Variants in DDR1 observed in about 807,000 individuals in gnomAD.
DDR1 encodes the protein discoidin domain receptor tyrosine kinase 1.
DDR1 carries 64 observed loss-of-function variants against 97.4 expected under a neutral mutation model. The observed-to-expected ratio is 0.66, with a 90% CI of 0.54 to 0.81. The LOEUF (loss-of-function observed/expected upper bound fraction) is 0.81. Ranked by LOEUF, DDR1 falls within the 30% of genes least tolerant of loss-of-function variation. The probability of loss-of-function intolerance (pLI) is 0.00; values close to 1 mark genes in which losing one functional copy is unlikely to be tolerated. For synonymous variants in DDR1, 458 were observed against 503.7 expected (o/e 0.91, Z 1.21); for missense variants, 990 against 1,259.6 (o/e 0.79, Z 3.24).
Position 30,898,949 on chromosome 6 carries a change from T to A in DDR1, c.2513T>A (p.Met838Lys). The A allele has an allele frequency of 6.2e-7, 1 of 1,614,090 alleles. No individual in the cohort carries two copies. Among genetic ancestry groups the A allele is most frequent in the Non-Finnish European group, 8.5e-7 (1 of 1,179,976 alleles). The change falls in exon 17 of 18, where the codon ATG becomes AAG. Residue 838 changes from methionine (M) to lysine (K), a missense_variant. Met to Lys is a moderately conservative substitution (Grantham distance 95). Transcript: ENST00000376568. The part of the protein sequence containing the change: ...AFGVTLWEVL[M>K]LCRAQPFGQL... Reference sequence around the variant, plus strand: ...GGTGTGACCCTGTGGGAGGTGCTGATGCTCTGTAGGGCCCAGCCCTTTGGG... The same window carrying A: ...GGTGTGACCCTGTGGGAGGTGCTGAAGCTCTGTAGGGCCCAGCCCTTTGGG...
In DDR1 at chr6:30,898,884, C is replaced by T; in HGVS notation, c.2452-4C>T. The T allele has an allele frequency of 6.2e-7, 1 of 1,603,824 alleles. No homozygotes were observed. On this transcript the variant is annotated splice_polypyrimidine_tract_variant and splice_region_variant and intron_variant, in intron 16 of 17. Coordinates refer to ENST00000376568, the MANE Select transcript of DDR1 (RefSeq NM_001297654.2). ...CTGTTTTTGCTGCCTTCTCTGCATC[C>T]CAGGGGAAGTTCACGACTGCGAGTG... is the stretch of plus-strand genomic sequence containing the variant.
Position 30,897,688 on chromosome 6 carries a change from G to T in DDR1, c.2216+91G>T. 1 of 1,090,994 alleles carries T rather than the reference G, an allele frequency of 9.2e-7. No individual in the cohort carries two copies. Among genetic ancestry groups the T allele is most frequent in the Non-Finnish European group, 1.3e-6 (1 of 761,258 alleles). The allele number at this position is 1,090,994 out of a possible 1,614,324, so 67.6% of individuals were successfully genotyped here. A position where few individuals can be genotyped will look rare whatever the true frequency, so the allele number is the denominator to read the frequency against. ...CTTCAGCCTGGAGGAAAAGAGGGGAGCGTGGGGGTGGGAAGGGAGAGAGGT... is the reference window on the plus strand; with the variant it reads ...CTTCAGCCTGGAGGAAAAGAGGGGATCGTGGGGGTGGGAAGGGAGAGAGGT... On this transcript the variant is annotated intron_variant, in intron 15 of 17. Coordinates refer to ENST00000376568, the MANE Select transcript of DDR1 (RefSeq NM_001297654.2). This position sits in a 1 kb window ranked among gnomAD's most constrained non-coding sequence, Gnocchi z 5.2.
Position 30,894,605 on chromosome 6 carries a change from C to A in DDR1, c.1447C>A (p.Pro483Thr). The change falls in exon 11 of 18, where the codon CCG becomes ACG. Residue 483 changes from proline to threonine, a missense_variant. Physicochemically the swap from Pro to Thr is conservative, Grantham distance 38 (BLOSUM62 -1). Transcript: ENST00000376568. This position sits in a 1 kb window ranked among gnomAD's most constrained non-coding sequence, Gnocchi z 5.7. ...CCGCCCAGGTCCTAGAGAGCCACCC[C>A]CGTACCAGGAGCCCCGGCCTCGTGG... is the stretch of plus-strand genomic sequence containing the variant. ...NNRPGPREPP[P>T]YQEPRPRGNP... 6.2e-7 allele frequency: 1 copy of A among 1,613,428 alleles called. No homozygotes were observed.
In DDR1 at chr6:30,897,442, G is replaced by C. The variant is rs1446010381; in HGVS notation, c.2061G>C (p.Leu687=). Residue 687 remains leucine (L), a synonymous_variant, in exon 15 of 18, where the codon CTG becomes CTC. Transcript: ENST00000376568. This position sits in a 1 kb window ranked among gnomAD's most constrained non-coding sequence, Gnocchi z 5.2. ...SRLKDPNIIR[L]LGVCVQDDPL... Reference sequence around the variant, plus strand: ...TCAAGGACCCAAACATCATTCGGCTGCTGGGCGTGTGTGTGCAGGACGACC... The same window carrying C: ...TCAAGGACCCAAACATCATTCGGCTCCTGGGCGTGTGTGTGCAGGACGACC... 1 of 1,614,184 alleles carries C rather than the reference G, an allele frequency of 6.2e-7. No individual in the cohort carries two copies. Among genetic ancestry groups the C allele is most frequent in the Admixed American group, 1.7e-5 (1 of 60,028 alleles).
At position 30,891,926 on chromosome 6, in the gene DDR1, G is replaced by A; in HGVS notation, c.666-76G>A. The A allele has an allele frequency of 6.5e-7, 1 of 1,529,958 alleles. No individual in the cohort carries two copies. Among genetic ancestry groups the A allele is most frequent in the Non-Finnish European group, 9.0e-7 (1 of 1,112,220 alleles). The allele number at this position is 1,529,958 out of a possible 1,614,324, so 94.8% of individuals were successfully genotyped here. ...GCTGGCCATGCCACTGTGCCGGAGG[G>A]TGGCGGAGCAGAATGCCTGGATGTC... On this transcript the variant is annotated intron_variant, in intron 6 of 17. Transcript: ENST00000376568. This position sits in a 1 kb window ranked among gnomAD's most constrained non-coding sequence, Gnocchi z 5.3.
Position 30,894,407 on chromosome 6 carries a change from T to A in DDR1, c.1348-99T>A. On this transcript the variant is annotated intron_variant, in intron 10 of 17. Coordinates refer to ENST00000376568, the MANE Select transcript of DDR1 (RefSeq NM_001297654.2). This position sits in a 1 kb window ranked among gnomAD's most constrained non-coding sequence, Gnocchi z 5.7. ...GATAGTATCCACAGCTGTAGGGCTCTTGTGAGGGCTGAGGGAGGGAACGCA... is the reference window on the plus strand; with the variant it reads ...GATAGTATCCACAGCTGTAGGGCTCATGTGAGGGCTGAGGGAGGGAACGCA... 8.1e-7 allele frequency: 1 copy of A among 1,232,722 alleles called. No individual in the cohort carries two copies. The highest frequency in any genetic ancestry group is 1.1e-6 in the Non-Finnish European group (1 of 901,838). 76.4% of individuals were successfully genotyped at this position (1,232,722 alleles called of 1,614,324 possible). A position where few individuals can be genotyped will look rare whatever the true frequency, so the allele number is the denominator to read the frequency against.
At position 30,892,130 on chromosome 6, in the gene DDR1, G is replaced by A. The variant is rs767554165; in HGVS notation, c.794G>A (p.Ser265Asn). 3 of 1,614,086 alleles carry A rather than the reference G, an allele frequency of 1.9e-6. No homozygotes were observed. Among genetic ancestry groups the A allele is most frequent in the Non-Finnish European group, 2.5e-6 (3 of 1,180,014 alleles). ...YVGWSNHSFS[S>N]GYVEMEFEFD... ...GGATGGAGCAACCACAGCTTCTCCA[G>A]TGGCTATGTGGAGATGGAGTTTGAG... The change falls in exon 7 of 18, where the codon AGT becomes AAT. Residue 265 changes from serine (S) to asparagine (N), a missense_variant. Physicochemically the swap from Ser to Asn is conservative, Grantham distance 46. Coordinates refer to ENST00000376568, the MANE Select transcript of DDR1 (RefSeq NM_001297654.2).
Position 30,896,779 on chromosome 6 carries a change from G to T in DDR1, c.1783G>T (p.Ala595Ser). ...TYAVPALPPG[A>S]VGDGPPRVDF... ...TGCTGTGCCTGCACTGCCCCCAGGG[G>T]CAGTCGGGGATGGGCCCCCCAGAGT... Residue 595 changes from alanine to serine, a missense_variant, in exon 13 of 18, where the codon GCA becomes TCA. Ala to Ser is a moderately conservative substitution (Grantham distance 99). Coordinates refer to ENST00000376568, the MANE Select transcript of DDR1 (RefSeq NM_001297654.2). 3.2e-6 allele frequency: 5 copies of T among 1,584,820 alleles called. No homozygotes were observed. The highest frequency in any genetic ancestry group is 1.7e-4 in the Middle Eastern group (1 of 5,926).
chr6:30,888,769 T>G lies in DDR1; in HGVS notation c.40T>G (p.Leu14Val). 1 of 1,613,016 alleles carries G rather than the reference T, an allele frequency of 6.2e-7. No individual in the cohort carries two copies. ...CCTGTCATCTTTACTGCTGCTGCTC[T>G]TGGTGGCAAGTGGAGATGCTGACAT... is the stretch of plus-strand genomic sequence containing the variant. Reference protein sequence around the residue: ...EALSSLLLLLLVASGDADMKG... With the variant: ...EALSSLLLLLVVASGDADMKG... Residue 14 changes from leucine to valine, a missense_variant, in exon 2 of 18, where the codon TTG becomes GTG. Physicochemically the swap from Leu to Val is conservative, Grantham distance 32. Coordinates refer to ENST00000376568, the MANE Select transcript of DDR1 (RefSeq NM_001297654.2). This position sits in a 1 kb window ranked among gnomAD's most constrained non-coding sequence, Gnocchi z 4.2.
In DDR1 at chr6:30,897,082, G is replaced by C; in HGVS notation, c.1938G>C (p.Lys646Asn). 6.2e-7 allele frequency: 1 copy of C among 1,613,904 alleles called. No individual in the cohort carries two copies. Among genetic ancestry groups the C allele is most frequent in the Non-Finnish European group, 8.5e-7 (1 of 1,179,954 alleles). ...TTGATTTCCCCCTTAATGTGCGTAA[G>C]GGACACCCTTTGCTGGTAGCTGTCA... ...VSLDFPLNVR[K>N]GHPLLVAVKI... Residue 646 changes from lysine to asparagine, a missense_variant, in exon 14 of 18, where the codon AAG becomes AAC. Lys to Asn is a moderately conservative substitution (Grantham distance 94, BLOSUM62 0). Transcript: ENST00000376568. The surrounding 1 kb of genome is among the most constrained non-coding windows in gnomAD (Gnocchi z 5.2).
At position 30,897,615 on chromosome 6, in the gene DDR1, C is replaced by T. The variant is rs1399133149; in HGVS notation, c.2216+18C>T. On this transcript the variant is annotated intron_variant, in intron 15 of 17. Coordinates refer to ENST00000376568, the MANE Select transcript of DDR1 (RefSeq NM_001297654.2). The surrounding 1 kb of genome is among the most constrained non-coding windows in gnomAD (Gnocchi z 5.2). ...ACCATCAGGTACCTGCTTACCCAGG[C>T]TGGGCCTTGCTCAGAATTCCCCCAG... 1 of 1,592,850 alleles carries T rather than the reference C, an allele frequency of 6.3e-7. No homozygotes were observed. The highest frequency in any genetic ancestry group is 1.7e-5 in the Admixed American group (1 of 59,242).
Position 30,899,341 on chromosome 6 carries a change from A to G in DDR1, c.*45A>G. On this transcript the variant is annotated 3_prime_UTR_variant, in exon 18 of 18. Coordinates refer to ENST00000376568, the MANE Select transcript of DDR1 (RefSeq NM_001297654.2). ...CTCCCTCAGGGAGCGATCCAGGGGAAGCCAGTGACACTAAAACAAGAGGAC... is the reference window on the plus strand; with the variant it reads ...CTCCCTCAGGGAGCGATCCAGGGGAGGCCAGTGACACTAAAACAAGAGGAC... 6.4e-7 allele frequency: 1 copy of G among 1,569,040 alleles called. No homozygotes were observed. Among genetic ancestry groups the G allele is most frequent in the Non-Finnish European group, 8.7e-7 (1 of 1,155,754 alleles).
At chr6:30,883,866 A>T (rs1394639233), upstream of DDR1, 1 of 153,046 alleles carries the variant, frequency 6.5e-6, no homozygotes, top group East Asian at 1.9e-4. The surrounding 1 kb of genome is among the most constrained non-coding windows in gnomAD (Gnocchi z 4.9). Flanking sequence ...GGGAGCGCAC[A>T]GGCTGCGAGA....
chr6:30,885,726 C>G, intron 1 of DDR1: 1 of 1,297,372 alleles, frequency 7.7e-7, no homozygotes, highest in Non-Finnish European at 1.0e-6. Flanking sequence ...TTTGCTCTGT[C>G]TCAGAAACTC....
Position 30,889,259 on chromosome 6 carries a change from G to A in DDR1, c.246G>A (p.Lys82=). The A allele has an allele frequency of 1.2e-6, 2 of 1,613,038 alleles. No individual in the cohort carries two copies. The highest frequency in any genetic ancestry group is 1.7e-6 in the Non-Finnish European group (2 of 1,180,004). The change falls in exon 4 of 18, where the codon AAG becomes AAA. Residue 82 remains lysine (K), a synonymous_variant. Transcript: ENST00000376568. The surrounding 1 kb of genome is among the most constrained non-coding windows in gnomAD (Gnocchi z 4.9). ...GCCCCGCAGGGTCGGTGTTTCCCAA[G>A]GAGGAGGAGTACTTGCAGGTGGATC... The part of the protein sequence containing the change: ...AWCPAGSVFP[K]EEEYLQVDLQ...
At chr6:30,893,777 CCTG>C (rs1217482264) in intron 10 of DDR1, among the ~76,000 whole-genome samples, 2 of 152,210 alleles carry the variant, frequency 1.3e-5, no homozygotes, top group African/African-American at 4.8e-5. Context: ...GCCCCAAACT[CCTG>C]CTGGGCTCCT....
Position 30,889,296 on chromosome 6 carries a change from C to T in DDR1, c.283C>T (p.His95Tyr), listed in dbSNP as rs781365987. The T allele has an allele frequency of 2.4e-5, 39 of 1,612,776 alleles. No individual in the cohort carries two copies. The South Asian group carries it at 4.3e-4, about 18-fold the overall frequency. ...EYLQVDLQRL[H>Y]LVALVGTQGR... ...CTTGCAGGTGGATCTACAACGACTG[C>T]ACCTGGTGGCTCTGGTGGGCACCCA... The change falls in exon 4 of 18, where the codon CAC (histidine) becomes TAC (tyrosine). Residue 95 changes from histidine (H) to tyrosine (Y), a missense_variant. By Grantham distance (83) the His-to-Tyr change is moderately conservative. Transcript: ENST00000376568. The surrounding 1 kb of genome is among the most constrained non-coding windows in gnomAD (Gnocchi z 4.9).
upstream of DDR1, chr6:30,882,557 T>G (rs925274009): frequency 6.6e-6 from 1 of 152,320 alleles, no homozygotes; most frequent in Non-Finnish European, 1.5e-5. The surrounding 1 kb of genome is among the most constrained non-coding windows in gnomAD (Gnocchi z 4.8). Context: ...TCCAGCTCCC[T>G]TTCCGTTGTC....
intron 11 of DDR1, 93 bp from the exon 12 acceptor site, chr6:30,895,311 C>A: frequency 1.2e-6 from 1 of 849,472 alleles, no homozygotes; most frequent in Non-Finnish European, 1.9e-6. Flanking sequence ...ATCATCCCAT[C>A]AGCCCTGGTC....
Sources: gnomAD v4.1 joint callset for allele counts (sites outside exome capture counted in the v4.1 genomes callset) on GRCh38, gnomAD v4.1.1 for gene constraint, Gnocchi (gnomAD v3.1) non-coding constraint, MANE v1.5 for transcripts, NCBI Gene and HGNC (gene_info 2026-07-23, HGNC 2026-07-21) for gene names.